TCF12: variants seen among roughly 807,000 people sequenced by gnomAD.
The protein encoded by TCF12 is transcription factor 12.
A neutral mutation model predicts 86.0 loss-of-function variants in TCF12; 45 were observed. That is an observed-to-expected ratio of 0.52 (90% CI 0.41 to 0.67). The LOEUF is 0.67. Among genes scored for constraint, TCF12 ranks in the 30% least tolerant of loss-of-function variants. TCF12 has a pLI of 0.00. For synonymous variants in TCF12, 330 were observed against 299.6 expected (o/e 1.10, Z -1.05); for missense variants, 881 against 859.9 (o/e 1.02, Z -0.31).
intron 17 of TCF12, among the ~76,000 whole-genome samples, chr15:57,262,743 C>T (rs1203500243): frequency 6.6e-6 from 1 of 152,154 alleles, no homozygotes; most frequent in African/African-American, 2.4e-5. Flanking sequence ...AACCATGATG[C>T]CTGTTTTACT....
intron 5 of TCF12, among the ~76,000 whole-genome samples, chr15:57,150,232 T>G (rs1254594105): frequency 6.6e-6 from 1 of 152,320 alleles, no homozygotes; most frequent in East Asian, 1.9e-4. Context: ...TCTTTAGAGT[T>G]TGGTTCCAAG....
chr15:57,088,039 A>G (rs1207422611), intron 4 of TCF12, among the ~76,000 whole-genome samples: 2 of 152,152 alleles, frequency 1.3e-5, no homozygotes, highest in African/African-American at 4.8e-5. Context: ...TGATCATTGT[A>G]TATTTAATGA....
chr15:57,224,977 A>T (rs997486176), intron 8 of TCF12, among the ~76,000 whole-genome samples: 10 of 152,260 alleles, frequency 6.6e-5, no homozygotes, highest in Non-Finnish European at 1.5e-4. Flanking sequence ...AGAATTTGCC[A>T]TTTTATGTAA....
At position 57,075,827 on chromosome 15, in the gene TCF12, TC is replaced by T. The variant is rs1445033513; in HGVS notation, c.222+12005del. On this transcript the variant is annotated intron_variant, in intron 4 of 20. Coordinates refer to ENST00000333725, the MANE Select transcript of TCF12 (RefSeq NM_207037.2). ...CTTTCTCTCTCTCTCTCTCTCTCTC[TC>T]TCTCTCTTTTCTTTCTTTCTTTCTT... Among the ~76,000 whole-genome samples the T allele has an allele frequency of 7.0e-3, 368 of 52,828 alleles. 2 individuals are homozygous for T. Among genetic ancestry groups the T allele is most frequent in the Middle Eastern group, 0.026 (2 of 76 alleles). The allele number at this position is 52,828 out of a possible 152,430, so 34.7% of individuals were successfully genotyped here. A position where few individuals can be genotyped will look rare whatever the true frequency, so the allele number is the denominator to read the frequency against.
chr15:57,102,841 C>G (rs1192511341), intron 5 of TCF12, among the ~76,000 whole-genome samples: 2 of 152,286 alleles, frequency 1.3e-5, no homozygotes, highest in Non-Finnish European at 2.9e-5. Flanking sequence ...TTTTCTCTCT[C>G]TGAAATCCTG....
chr15:57,074,360 T>TAA, intron 4 of TCF12, among the ~76,000 whole-genome samples: 1 of 110,624 alleles, frequency 9.0e-6, no homozygotes, highest in African/African-American at 2.8e-5. Context: ...CCATTTTGAT[T>TAA]AAAAAAAAAA....
At chr15:56,963,027 CTT>C (rs532973260) in intron 3 of TCF12, among the ~76,000 whole-genome samples, 4,443 of 96,212 alleles carry the variant, frequency 0.046, 200 homozygotes, top group East Asian at 0.32. Context: ...GTGTTAAGGT[CTT>C]TTTTTTTTTT....
chr15:57,250,828 G>A (rs1175610278), intron 13 of TCF12, among the ~76,000 whole-genome samples: 1 of 151,350 alleles, frequency 6.6e-6, no homozygotes, highest in African/African-American at 2.4e-5. Flanking sequence ...CTCAGGAGGT[G>A]GAGGTTGCAG....
intron 3 of TCF12, among the ~76,000 whole-genome samples, chr15:57,045,746 G>C (rs577408421): frequency 6.6e-6 from 1 of 152,104 alleles, no homozygotes; most frequent in East Asian, 1.9e-4. Flanking sequence ...GGGTTTCACT[G>C]TGTTTCCCAG....
rs141186534 is a variant in TCF12, at chr15:56,941,847, A to T, written c.148+20749A>T. Among the ~76,000 whole-genome samples, 21 of 152,164 alleles carry T rather than the reference A, an allele frequency of 1.4e-4. 1 individual carries two copies. The highest frequency in any genetic ancestry group is 5.1e-4 in the African/African-American group (21 of 41,528). ...CAGTCTGGAGGTATGATCTCTGATA[A>T]AGATTATAATTCTCATCTCAGTAAT... On this transcript the variant is annotated intron_variant, in intron 3 of 20. Coordinates refer to ENST00000333725, the MANE Select transcript of TCF12 (RefSeq NM_207037.2).
chr15:57,203,447 G>C (rs1336796745), intron 8 of TCF12, among the ~76,000 whole-genome samples: 2 of 152,158 alleles, frequency 1.3e-5, no homozygotes, highest in Non-Finnish European at 2.9e-5. Flanking sequence ...ATCAGAACAA[G>C]TCTTTCCAAA....
chr15:57,184,349 G>A, intron 6 of TCF12, among the ~76,000 whole-genome samples: 1 of 152,164 alleles, frequency 6.6e-6, no homozygotes, highest in South Asian at 2.1e-4. Flanking sequence ...CTAAGCTCTG[G>A]TTTTTTGACC....
At chr15:57,149,057 T>C (rs1388781696) in intron 5 of TCF12, among the ~76,000 whole-genome samples, 1 of 152,180 alleles carries the variant, frequency 6.6e-6, no homozygotes, top group Admixed American at 6.5e-5. Context: ...ATTTTACTGT[T>C]AGTTAGCATA....
intron 3 of TCF12, among the ~76,000 whole-genome samples, chr15:56,955,387 AC>A (rs2061464279): frequency 6.7e-6 from 1 of 148,208 alleles, no homozygotes; most frequent in Admixed American, 6.7e-5. Flanking sequence ...AACATCACAC[AC>A]CCAGGGCCTG....
intron 6 of TCF12, among the ~76,000 whole-genome samples, chr15:57,184,295 G>C (rs1483755539): frequency 6.6e-6 from 1 of 152,106 alleles, no homozygotes; most frequent in East Asian, 1.9e-4. Context: ...ATTTGAGACT[G>C]TTTTTCAAGA....
intron 3 of TCF12, among the ~76,000 whole-genome samples, chr15:57,034,905 A>G (rs1399509326): frequency 6.6e-6 from 1 of 152,182 alleles, no homozygotes; most frequent in Non-Finnish European, 1.5e-5. Flanking sequence ...GTCATTTAAA[A>G]TTCTGTTTGC....
At chr15:56,993,451 T>G (rs781400413) in intron 3 of TCF12, among the ~76,000 whole-genome samples, 1 of 152,198 alleles carries the variant, frequency 6.6e-6, no homozygotes, top group Non-Finnish European at 1.5e-5. Context: ...GTATCAGAAG[T>G]GTGACCCAAG....
intron 4 of TCF12, among the ~76,000 whole-genome samples, chr15:57,086,716 A>C (rs1157972132): frequency 6.6e-6 from 1 of 151,264 alleles, no homozygotes; most frequent in African/African-American, 2.4e-5. Flanking sequence ...AAAAAAAAAA[A>C]AAAAAAAAAG....
intron 5 of TCF12, among the ~76,000 whole-genome samples, chr15:57,115,970 A>G (rs1363826117): frequency 1.3e-5 from 2 of 152,236 alleles, no homozygotes; most frequent in East Asian, 1.9e-4. Context: ...TCTTCTGTCC[A>G]GTTCCCAGAC....
Sources: allele counts gnomAD v4.1 joint callset (sites outside exome capture counted in the v4.1 genomes callset), GRCh38; gene constraint gnomAD v4.1.1; transcripts MANE v1.5; gene names NCBI Gene and HGNC (gene_info 2026-07-23, HGNC 2026-07-21).